CCSER2: variants seen among roughly 807,000 people sequenced by gnomAD.
CCSER2 encodes the protein serine-rich coiled-coil domain-containing protein 2.
A neutral mutation model predicts 92.3 loss-of-function variants in CCSER2; 46 were observed. The ratio of observed to expected loss-of-function variants is 0.50; its 90% confidence interval spans 0.39 to 0.64. The LOEUF is 0.64. CCSER2 is among the 30% of genes least tolerant of loss of function. CCSER2 has a pLI of 0.00. For synonymous variants in CCSER2, 433 were observed against 431.4 expected (o/e 1.00, Z -0.04); for missense variants, 1,244 against 1,238.9 (o/e 1.00, Z -0.06).
chr10:84,483,895 C>T (rs1471567391), intron 9 of CCSER2, among the ~76,000 whole-genome samples: 1 of 142,234 alleles, frequency 7.0e-6, no homozygotes, highest in Non-Finnish European at 1.5e-5. Context: ...AGAGATTCTC[C>T]CACCTCAGCC....
chr10:84,346,087 G>A (rs751605092), intron 1 of CCSER2, among the ~76,000 whole-genome samples: 2 of 152,056 alleles, frequency 1.3e-5, no homozygotes, highest in African/African-American at 4.8e-5. Context: ...TTTTTGAGAC[G>A]GAGTTTCACT....
At chr10:84,494,371 G>A (rs1357008311) in intron 9 of CCSER2, among the ~76,000 whole-genome samples, 2 of 152,126 alleles carry the variant, frequency 1.3e-5, no homozygotes, top group African/African-American at 4.8e-5. Context: ...GTGGGTTTTG[G>A]CCAGCTTCTT....
chr10:84,463,663 G>A (rs933172962), intron 6 of CCSER2, among the ~76,000 whole-genome samples: 7 of 152,108 alleles, frequency 4.6e-5, no homozygotes, highest in African/African-American at 1.7e-4. Context: ...AATGCTTAAT[G>A]GTTCTGTATT....
At position 84,412,164 on chromosome 10, in the gene CCSER2, T is replaced by C. The variant is rs117343445; in HGVS notation, c.1615-5607T>C. Among the ~76,000 whole-genome samples the C allele has an allele frequency of 5.3e-5, 8 of 152,312 alleles. No individual in the cohort carries two copies. In the East Asian group the frequency reaches 9.6e-4, roughly 18 times the overall value. On this transcript the variant is annotated intron_variant, in intron 3 of 9. Coordinates refer to ENST00000372088, the MANE Select transcript of CCSER2 (RefSeq NM_001284240.2). ...CTTGCATCCCAGGTGGATAAGCTTT[T>C]TGATGTGCTACTGCCTTCTGTTTGC...
rs913029314 is a variant in CCSER2 at position 84,470,167 on chromosome 10, A to G, written c.2149-205A>G. Among the ~76,000 whole-genome samples, 3 of 151,858 alleles carry G rather than the reference A, an allele frequency of 2.0e-5. No homozygotes were observed. In the East Asian group the frequency reaches 5.8e-4, roughly 29 times the overall value. ...GTTTTTAACATCTAATAAGTTCTCA[A>G]TGAATGCTAACTGTTGCTGCTACTA... On this transcript the variant is annotated intron_variant, in intron 7 of 9. Transcript: ENST00000372088.
At chr10:84,500,055 A>G (rs1848644783) in intron 9 of CCSER2, 2 of 1,557,032 alleles carry the variant, frequency 1.3e-6, no homozygotes, top group East Asian at 2.3e-5. Context: ...CTCCTTTTCT[A>G]TCCTGAGTGC....
intron 5 of CCSER2, among the ~76,000 whole-genome samples, chr10:84,430,078 T>A (rs1475768284): frequency 6.6e-6 from 1 of 152,072 alleles, no homozygotes; most frequent in Non-Finnish European, 1.5e-5. Flanking sequence ...ATTGAATGCC[T>A]TGAACTAGTA....
chr10:84,417,625 T>A (rs1842947682), intron 3 of CCSER2, 146 bp from the exon 4 acceptor site: 2 of 457,958 alleles, frequency 4.4e-6, no homozygotes, highest in African/African-American at 2.0e-5. Flanking sequence ...CTATTTTTAT[T>A]TTTAAAAAAC....
intron 3 of CCSER2, among the ~76,000 whole-genome samples, chr10:84,415,486 G>A (rs1842846160): frequency 6.6e-6 from 1 of 152,174 alleles, no homozygotes; most frequent in South Asian, 2.1e-4. Flanking sequence ...GATATCACCA[G>A]TGAAGGCTGT....
rs11461623 is a variant in CCSER2 at position 84,501,822 on chromosome 10, GAA to G, written c.2326-11615_2326-11614del. On this transcript the variant is annotated intron_variant, in intron 9 of 9. Coordinates refer to ENST00000372088, the MANE Select transcript of CCSER2 (RefSeq NM_001284240.2). ...AGTTTGGATGTATTAGTCATCTAGGGAAAAAAAAAAAAATATATATATATATA... is the reference window on the plus strand; with the variant it reads ...AGTTTGGATGTATTAGTCATCTAGGGAAAAAAAAAAATATATATATATATA... Among the ~76,000 whole-genome samples, 67 of 29,006 alleles carry G rather than the reference GAA, an allele frequency of 2.3e-3. 6 individuals are homozygous for G. In the East Asian group the frequency reaches 0.027, roughly 12 times the overall value. The allele number at this position is 29,006 out of a possible 152,430, so 19.0% of individuals were successfully genotyped here.
chr10:84,427,388 A>AC (rs906981421), intron 5 of CCSER2, among the ~76,000 whole-genome samples: 87 of 152,290 alleles, frequency 5.7e-4, no homozygotes, highest in African/African-American at 1.8e-3. Flanking sequence ...GACGAGCCTT[A>AC]CCCCAGCATA....
chr10:84,373,484 G>A (rs1161983675), intron 2 of CCSER2, 135 bp from the exon 3 acceptor site: 1 of 622,096 alleles, frequency 1.6e-6, no homozygotes, highest in Non-Finnish European at 2.8e-6. Flanking sequence ...TTAGGATATA[G>A]AAAATGCTAC....
intron 9 of CCSER2, among the ~76,000 whole-genome samples, chr10:84,493,362 A>G (rs1334430402): frequency 6.6e-6 from 1 of 151,964 alleles, no homozygotes; most frequent in East Asian, 1.9e-4. Context: ...CAGTCTTGCT[A>G]GTGGTTTGTC....
intron 1 of CCSER2, among the ~76,000 whole-genome samples, chr10:84,331,769 TTTC>T (rs1024295787): frequency 6.6e-5 from 10 of 152,208 alleles, no homozygotes; most frequent in African/African-American, 1.9e-4. Flanking sequence ...AAACTTAATT[TTTC>T]TTCTTATTTC....
Position 84,470,474 on chromosome 10 carries a change from T to TAATG in CCSER2, c.2235+17_2235+20dup, listed in dbSNP as rs748689228. 7.1e-7 allele frequency: 1 copy of TAATG among 1,400,714 alleles called. No homozygotes were observed. The highest frequency in any genetic ancestry group is 9.4e-7 in the Non-Finnish European group (1 of 1,060,446). 86.8% of individuals were successfully genotyped at this position (1,400,714 alleles called of 1,614,324 possible). On this transcript the variant is annotated intron_variant, in intron 8 of 9. Transcript: ENST00000372088. ...ACTTCAGCTTGTAAGTATTGTAGTA[T>TAATG]AATGTATAGAGACTTTTCAAACTGG...
intron 9 of CCSER2, among the ~76,000 whole-genome samples, chr10:84,505,220 AAATT>A (rs916493474): frequency 1.3e-5 from 2 of 152,162 alleles, no homozygotes; most frequent in Non-Finnish European, 2.9e-5. Flanking sequence ...GATATATTCT[AAATT>A]AATTTTTTTC....
chr10:84,450,216 A>G (rs1004972228), intron 6 of CCSER2, among the ~76,000 whole-genome samples: 30 of 152,360 alleles, frequency 2.0e-4, no homozygotes, highest in African/African-American at 7.2e-4. Context: ...ACCTGTACCC[A>G]GTACATTGTT....
At chr10:84,460,729 C>T (rs370236808) in intron 6 of CCSER2, among the ~76,000 whole-genome samples, 2 of 151,900 alleles carry the variant, frequency 1.3e-5, no homozygotes, top group Non-Finnish European at 1.5e-5. Flanking sequence ...GGAATTTTGC[C>T]ACTTCACATA....
At chr10:84,489,036 T>G (rs1847981070) in intron 9 of CCSER2, among the ~76,000 whole-genome samples, 1 of 152,226 alleles carries the variant, frequency 6.6e-6, no homozygotes, top group African/African-American at 2.4e-5. Context: ...AGTTTCCATG[T>G]AGTTGCACAG....
Sources: gnomAD v4.1 joint callset for allele counts (sites outside exome capture counted in the v4.1 genomes callset) on GRCh38, gnomAD v4.1.1 for gene constraint, MANE v1.5 for transcripts, NCBI Gene and HGNC (gene_info 2026-07-23, HGNC 2026-07-21) for gene names.